ELAC1: variants seen among roughly 807,000 people sequenced by gnomAD.
The protein encoded by ELAC1 is zinc phosphodiesterase ELAC protein 1.
In ELAC1, 19 loss-of-function variants were observed where a neutral mutation model predicts 25.8. That is an observed-to-expected ratio of 0.74 (90% CI 0.51 to 1.08). The LOEUF (loss-of-function observed/expected upper bound fraction) is 1.08. ELAC1 is among the 50% of genes least tolerant of loss of function. The pLI is 0.00. For missense variants in ELAC1, 403 were observed against 434.6 expected (o/e 0.93, Z 0.65); for synonymous variants, 148 against 160.9 (o/e 0.92, Z 0.61).
chr18:50,977,562 T>G (rs1907826105), intron 2 of ELAC1, among the ~76,000 whole-genome samples: 1 of 152,130 alleles, frequency 6.6e-6, no homozygotes, highest in Admixed American at 6.5e-5. Flanking sequence ...CAGGAAACCG[T>G]TTTTCCCTCC....
At chr18:50,969,262 C>T (rs918412576) in intron 1 of ELAC1, 1 of 152,146 alleles carries the variant, frequency 6.6e-6, no homozygotes, top group Non-Finnish European at 1.5e-5. Flanking sequence ...ATTTTGTTCC[C>T]TGTATTTTAC....
chr18:50,971,965 C>T (rs1371818372), intron 1 of ELAC1, among the ~76,000 whole-genome samples: 1 of 133,114 alleles, frequency 7.5e-6, no homozygotes, highest in African/African-American at 3.0e-5. Context: ...TTTTCTGTTG[C>T]ACAAGTATTT....
chr18:50,981,651 G>A (rs1169865062), intron 2 of ELAC1, among the ~76,000 whole-genome samples: 1 of 152,016 alleles, frequency 6.6e-6, no homozygotes, highest in South Asian at 2.1e-4. Flanking sequence ...GAAAAATGAA[G>A]TATTTGTCTC....
In ELAC1 at chr18:50,984,274, G is replaced by A. The variant is rs1384489403; in HGVS notation, c.336G>A (p.Thr112=). ...FIWRTMELSH[T]ELVFHYVVHE... ...GGCGAACCATGGAACTCTCTCACAC[G>A]GAGCTGGTCTTCCATTATGTGGTTC... The change falls in exon 3 of 4, where the codon ACG becomes ACA. Residue 112 remains threonine, a synonymous_variant. Coordinates refer to ENST00000269466, the MANE Select transcript of ELAC1 (RefSeq NM_018696.3). 2.5e-6 allele frequency: 4 copies of A among 1,614,030 alleles called. No individual in the cohort carries two copies. Among genetic ancestry groups the A allele is most frequent in the South Asian group, 1.1e-5 (1 of 91,090 alleles).
chr18:50,981,655 T>G (rs1162424440), intron 2 of ELAC1, among the ~76,000 whole-genome samples: 1 of 152,186 alleles, frequency 6.6e-6, no homozygotes, highest in African/African-American at 2.4e-5. Flanking sequence ...AATGAAGTAT[T>G]TGTCTCCTTG....
intron 3 of ELAC1, among the ~76,000 whole-genome samples, chr18:50,985,764 G>C (rs965728252): frequency 2.0e-5 from 3 of 152,136 alleles, no homozygotes; most frequent in Non-Finnish European, 2.9e-5. Flanking sequence ...ATCTGTGTTG[G>C]AATTGGTGGT....
At chr18:50,982,603 A>C (rs1907983197) in intron 2 of ELAC1, among the ~76,000 whole-genome samples, 1 of 152,240 alleles carries the variant, frequency 6.6e-6, no homozygotes, top group Admixed American at 6.5e-5. Context: ...GAAAATGCTG[A>C]TGTGGCATCC....
At chr18:50,976,406 G>A (rs1568186161) in intron 2 of ELAC1, among the ~76,000 whole-genome samples, 2 of 152,158 alleles carry the variant, frequency 1.3e-5, no homozygotes, top group Non-Finnish European at 2.9e-5. Flanking sequence ...CACAATCATG[G>A]TGGAAGGCAA....
chr18:50,980,313 A>G (rs1166137837), intron 2 of ELAC1, among the ~76,000 whole-genome samples: 1 of 152,116 alleles, frequency 6.6e-6, no homozygotes, highest in Non-Finnish European at 1.5e-5. Flanking sequence ...TGTCTCAACA[A>G]ATAAATAAAT....
In ELAC1 at chr18:50,986,786, CTG is replaced by C; in HGVS notation, c.796_797del (p.Cys266LeufsTer2). The part of the protein sequence containing the change: ...SGVVGDGGVK[L>X]CFEADLLIHE... Reference sequence around the variant, plus strand: ...GGTTGTGGGTGATGGAGGAGTAAAACTGTGCTTTGAAGCAGACCTGTTGATCC... The same window carrying C: ...GGTTGTGGGTGATGGAGGAGTAAAACTGCTTTGAAGCAGACCTGTTGATCC... On this transcript the variant is annotated frameshift_variant, in exon 4 of 4. Transcript: ENST00000269466. LOFTEE classifies it high-confidence loss of function. 1 of 1,614,168 alleles carries C rather than the reference CTG, an allele frequency of 6.2e-7. No homozygotes were observed. The highest frequency in any genetic ancestry group is 8.5e-7 in the Non-Finnish European group (1 of 1,180,036).
intron 2 of ELAC1, among the ~76,000 whole-genome samples, chr18:50,982,928 G>C (rs1907992047): frequency 6.6e-6 from 1 of 151,792 alleles, no homozygotes; most frequent in Non-Finnish European, 1.5e-5. Context: ...GACTTGATTG[G>C]TTAATCGCTG....
At chr18:50,969,980 GC>G (rs1907609250) in intron 1 of ELAC1, 1 of 152,130 alleles carries the variant, frequency 6.6e-6, no homozygotes, top group Admixed American at 6.5e-5. Context: ...ACAGGAGAAG[GC>G]TTTTTATTTT....
rs1282444231 is a variant in ELAC1, at chr18:50,988,117, C to T, written c.*1032C>T. On this transcript the variant is annotated 3_prime_UTR_variant, in exon 4 of 4. Transcript: ENST00000269466. ...CCCTATTAATAAACGTTATTTGCCC[C>T]ACAATGTTTCTTAAAACATGCTCCA... The T allele has an allele frequency of 6.6e-6, 1 of 152,170 alleles. No individual in the cohort carries two copies. The highest frequency in any genetic ancestry group is 2.4e-5 in the African/African-American group (1 of 41,446). 9.4% of individuals were successfully genotyped at this position (152,170 alleles called of 1,614,324 possible).
chr18:50,986,925 T>C lies in ELAC1; in HGVS notation c.932T>C (p.Leu311Pro), dbSNP rs751415041. The C allele has an allele frequency of 1.9e-6, 3 of 1,613,940 alleles. No individual in the cohort carries two copies. In the East Asian group the frequency reaches 6.7e-5, roughly 36 times the overall value. The change falls in exon 4 of 4, where the codon CTG becomes CCG. Residue 311 changes from leucine (L) to proline (P), a missense_variant. Physicochemically the swap from Leu to Pro is moderately conservative, Grantham distance 98. Coordinates refer to ENST00000269466, the MANE Select transcript of ELAC1 (RefSeq NM_018696.3). ...TTGTGCCGTGCAAAGAGGCTGGTTCTGACTCACTTCAGTCAGAGGTACAAA... is the reference window on the plus strand; with the variant it reads ...TTGTGCCGTGCAAAGAGGCTGGTTCCGACTCACTTCAGTCAGAGGTACAAA... ...AKLCRAKRLV[L>P]THFSQRYKPV...
At chr18:50,970,143 C>CA (rs1193362869) in intron 1 of ELAC1, among the ~76,000 whole-genome samples, 1 of 152,048 alleles carries the variant, frequency 6.6e-6, no homozygotes, top group African/African-American at 2.4e-5. Flanking sequence ...TTTATAGAGA[C>CA]AGAGTCTTGC....
chr18:50,980,908 C>T (rs1459125950), intron 2 of ELAC1, among the ~76,000 whole-genome samples: 1 of 151,990 alleles, frequency 6.6e-6, no homozygotes, highest in Non-Finnish European at 1.5e-5. Flanking sequence ...ATACTAATTT[C>T]TCTCCATAAC....
chr18:50,971,125 A>T (rs973382482), intron 1 of ELAC1, among the ~76,000 whole-genome samples: 1 of 152,242 alleles, frequency 6.6e-6, no homozygotes, highest in African/African-American at 2.4e-5. Context: ...CTTGAGAGCA[A>T]CACAATACAC....
intron 2 of ELAC1, among the ~76,000 whole-genome samples, chr18:50,980,531 G>A (rs570988871): frequency 5.3e-5 from 8 of 152,130 alleles, no homozygotes; most frequent in Non-Finnish European, 7.4e-5. Context: ...TTGGGAGGCC[G>A]AGGCAGGTGG....
chr18:50,971,760 A>T (rs897161713), intron 1 of ELAC1, among the ~76,000 whole-genome samples: 32 of 151,030 alleles, frequency 2.1e-4, no homozygotes, highest in African/African-American at 7.8e-4. Flanking sequence ...TTATTTATTA[A>T]CTTAAATTTT....
Sources: gnomAD v4.1 joint callset for allele counts (sites outside exome capture counted in the v4.1 genomes callset) on GRCh38, gnomAD v4.1.1 for gene constraint, MANE v1.5 for transcripts, NCBI Gene and HGNC (gene_info 2026-07-23, HGNC 2026-07-21) for gene names.